The following TGFBRAP1 variants were observed in gnomAD, a reference collection of about 807,000 sequenced individuals.
TGFBRAP1 encodes transforming growth factor beta receptor associated protein 1.
A neutral mutation model predicts 83.2 loss-of-function variants in TGFBRAP1; 20 were observed. That is an observed-to-expected ratio of 0.24 (90% CI 0.17 to 0.35). The LOEUF (loss-of-function observed/expected upper bound fraction) is 0.35. TGFBRAP1 is among the 10% of genes least tolerant of loss of function. TGFBRAP1 has a pLI of 1.00. For missense variants in TGFBRAP1, 950 were observed against 1,099.4 expected, an observed-to-expected ratio of 0.86 and a Z score of 1.92; for synonymous variants, 415 against 459.8, an observed-to-expected ratio of 0.90 and a Z score of 1.25.
chr2:105,268,878 TC>T (rs1677042513), intron 11 of TGFBRAP1, among the ~76,000 whole-genome samples: 1 of 152,336 alleles, frequency 6.6e-6, no homozygotes, highest in East Asian at 1.9e-4. Flanking sequence ...CAATTTCCTC[TC>T]CTGTGAAATG....
intron 4 of TGFBRAP1, among the ~76,000 whole-genome samples, chr2:105,290,597 AAGAG>A (rs1039176824): frequency 1.1e-4 from 14 of 126,312 alleles, no homozygotes; most frequent in African/African-American, 4.2e-4. Flanking sequence ...AAGAGAGAGA[AAGAG>A]AGAAACAGAG....
At position 105,290,209 on chromosome 2, in the gene TGFBRAP1, G is replaced by A. The variant is rs1445850767; in HGVS notation, c.1039-5811C>T. On this transcript the variant is annotated intron_variant, in intron 4 of 11. Transcript: ENST00000393359. Reference sequence around the variant, plus strand: ...AGCCTCCTGCGTAGCTGGAATTACAGGTGCATGCCATCATGCTCAACTAAT... The same window carrying A: ...AGCCTCCTGCGTAGCTGGAATTACAAGTGCATGCCATCATGCTCAACTAAT... Among the ~76,000 whole-genome samples the A allele has an allele frequency of 3.3e-5, 5 of 152,264 alleles. No homozygotes were observed. The East Asian group carries it at 9.7e-4, about 29-fold the overall frequency.
intron 8 of TGFBRAP1, 127 bp downstream of exon 8, chr2:105,275,433 C>A (rs912238983): frequency 7.0e-7 from 1 of 1,432,494 alleles, no homozygotes; most frequent in Non-Finnish European, 9.2e-7. Context: ...GGAATAATAA[C>A]AACAACAAAA....
intron 4 of TGFBRAP1, among the ~76,000 whole-genome samples, chr2:105,289,916 T>C (rs1054865869): frequency 1.3e-5 from 2 of 152,240 alleles, no homozygotes; most frequent in East Asian, 3.8e-4. Context: ...AAAGTGTCCA[T>C]TTCCCCACTT....
intron 1 of TGFBRAP1, chr2:105,325,051 A>G (rs1679184197): frequency 6.6e-6 from 1 of 152,340 alleles, no homozygotes; most frequent in Admixed American, 6.5e-5. Context: ...TGCTTCTCCT[A>G]TACCATTCTC....
At chr2:105,298,855 CT>C in intron 2 of TGFBRAP1, 150 bp from the exon 3 acceptor site, 1 of 654,572 alleles carries the variant, frequency 1.5e-6, no homozygotes, top group Non-Finnish European at 2.4e-6. Flanking sequence ...ATATAATATG[CT>C]GTATGTGTGA....
rs187122057 is a variant in TGFBRAP1 at position 105,294,064 on chromosome 2, C to T, written c.1038+2292G>A. 1.8e-3 allele frequency among the ~76,000 whole-genome samples: 267 copies of T among 152,270 alleles called. 2 individuals are homozygous for T. Among genetic ancestry groups the T allele is most frequent in the Non-Finnish European group, 2.3e-3 (156 of 68,016 alleles). On this transcript the variant is annotated intron_variant, in intron 4 of 11. Transcript: ENST00000393359. Reference sequence around the variant, plus strand: ...GCAGGGTAAAGGGCCCTGTGGGAAGCGCCAGCCTGACTTAGCCAGCCTGAT... The same window carrying T: ...GCAGGGTAAAGGGCCCTGTGGGAAGTGCCAGCCTGACTTAGCCAGCCTGAT...
At chr2:105,310,321 G>A (rs1678649964) in intron 1 of TGFBRAP1, among the ~76,000 whole-genome samples, 1 of 152,110 alleles carries the variant, frequency 6.6e-6, no homozygotes, top group South Asian at 2.1e-4. Flanking sequence ...GCTTGCTTCA[G>A]GTGTTTATTT....
the TGFBRAP1 span, among the ~76,000 whole-genome samples, chr2:105,251,108 G>A: frequency 4.6e-5 from 7 of 152,240 alleles, no homozygotes; most frequent in African/African-American, 7.2e-5. Context: ...TCTCTGCCCC[G>A]CCGCCCATCG....
Position 105,265,039 on chromosome 2 carries a change from ATTC to A in TGFBRAP1, c.*2341_*2343del, listed in dbSNP as rs1354774202. On this transcript the variant is annotated 3_prime_UTR_variant, in exon 12 of 12. Coordinates refer to ENST00000393359, the MANE Select transcript of TGFBRAP1 (RefSeq NM_004257.6). ...AAGTACAGTTTTAACATATGAGACAATTCTTCATACTGTAATAGAATGCTGCTT... is the reference window on the plus strand; with the variant it reads ...AAGTACAGTTTTAACATATGAGACAATTCATACTGTAATAGAATGCTGCTT... The A allele has an allele frequency of 2.0e-5, 3 of 152,258 alleles. No homozygotes were observed. Among genetic ancestry groups the A allele is most frequent in the Non-Finnish European group, 4.4e-5 (3 of 68,042 alleles). 9.4% of individuals were successfully genotyped at this position (152,258 alleles called of 1,614,324 possible).
downstream of TGFBRAP1, among the ~76,000 whole-genome samples, chr2:105,261,161 G>A (rs1282183733): frequency 6.6e-6 from 1 of 152,184 alleles, no homozygotes; most frequent in East Asian, 1.9e-4. Flanking sequence ...TGCAGAGGCG[G>A]GAGTGAGGGA....
At chr2:105,280,318 G>A in intron 6 of TGFBRAP1, 64 bp downstream of exon 6, 2 of 1,531,846 alleles carry the variant, frequency 1.3e-6, no homozygotes, top group East Asian at 4.5e-5. Context: ...GATCTCCCCA[G>A]CAAAGAGCCT....
chr2:105,311,260 A>C (rs949199676), intron 1 of TGFBRAP1, among the ~76,000 whole-genome samples: 5 of 152,178 alleles, frequency 3.3e-5, no homozygotes, highest in Non-Finnish European at 7.3e-5. Flanking sequence ...ACTGTTATTC[A>C]AGCCTTGCTA....
chr2:105,267,640 G>T, intron 11 of TGFBRAP1, 81 bp from the exon 12 acceptor site: 2 of 1,578,172 alleles, frequency 1.3e-6, no homozygotes, highest in Admixed American at 1.7e-5. Context: ...TTGCAGAGTT[G>T]ACATGCATTA....
At chr2:105,272,829 G>A in intron 10 of TGFBRAP1, 26 bp downstream of exon 10, 1 of 1,603,010 alleles carries the variant, frequency 6.2e-7, no homozygotes, top group South Asian at 1.1e-5. Context: ...TTTTCCAAAG[G>A]GAGACAATAC....
intron 8 of TGFBRAP1, among the ~76,000 whole-genome samples, chr2:105,274,889 G>C (rs1206446615): frequency 1.3e-5 from 2 of 152,192 alleles, no homozygotes; most frequent in Non-Finnish European, 2.9e-5. Context: ...CCATGGAAGC[G>C]TATACGTTTT....
chr2:105,256,801 G>A, the TGFBRAP1 span, among the ~76,000 whole-genome samples: 3,562 of 152,286 alleles, frequency 0.023, 57 homozygotes, highest in Non-Finnish European at 0.039. Context: ...ATCACAGGAT[G>A]AGATAGAAGG....
rs374459025 is a variant in TGFBRAP1, at chr2:105,273,024, A to G, written c.1813-10T>C. 5.6e-6 allele frequency: 9 copies of G among 1,607,540 alleles called. No individual in the cohort carries two copies. Among genetic ancestry groups the G allele is most frequent in the Non-Finnish European group, 7.6e-6 (9 of 1,177,766 alleles). On this transcript the variant is annotated splice_polypyrimidine_tract_variant and intron_variant, in intron 9 of 11. Transcript: ENST00000393359. Reference sequence around the variant, plus strand: ...TGTGATACTCTTCTTTCTGCAGGAAACAGGGGGAGCCAAGCAGACAGACAG... The same window carrying G: ...TGTGATACTCTTCTTTCTGCAGGAAGCAGGGGGAGCCAAGCAGACAGACAG...
At chr2:105,319,582 C>A (rs1475422183) in intron 1 of TGFBRAP1, among the ~76,000 whole-genome samples, 1 of 148,702 alleles carries the variant, frequency 6.7e-6, no homozygotes, top group Non-Finnish European at 1.5e-5. Flanking sequence ...ATCCCAGCTA[C>A]TTGGGAGGCT....
Sources: allele counts gnomAD v4.1 joint callset (sites outside exome capture counted in the v4.1 genomes callset), GRCh38; gene constraint gnomAD v4.1.1; transcripts MANE v1.5; gene names NCBI Gene and HGNC (gene_info 2026-07-23, HGNC 2026-07-21).